The following HDAC4 variants were observed in gnomAD, a reference collection of about 807,000 sequenced individuals.
HDAC4 encodes histone deacetylase A.
Under a neutral mutation model 135.1 loss-of-function variants are expected in HDAC4, and 16 were observed. That is an observed-to-expected ratio of 0.12 (90% CI 0.08 to 0.18). HDAC4 has a LOEUF of 0.18. Ranked by LOEUF, HDAC4 falls within the 10% of genes least tolerant of loss-of-function variation. The pLI is 1.00. For missense variants in HDAC4, 1,143 were observed against 1,511.8 expected (o/e 0.76, Z 4.05); for synonymous variants, 685 against 653.4 (o/e 1.05, Z -0.74).
intron 5 of HDAC4, among the ~76,000 whole-genome samples, chr2:239,168,627 G>A (rs899174516): frequency 8.5e-5 from 13 of 152,182 alleles, no homozygotes; most frequent in Non-Finnish European, 1.2e-4. Flanking sequence ...AGATGCTGGC[G>A]GTGCTTCGTG....
At chr2:239,230,657 C>A (rs1193841859) in intron 3 of HDAC4, among the ~76,000 whole-genome samples, 1 of 152,204 alleles carries the variant, frequency 6.6e-6, no homozygotes, top group Non-Finnish European at 1.5e-5. Context: ...TTCACTGGAC[C>A]CTATCCAAAC....
At chr2:239,381,191 C>T (rs1194113936) in intron 1 of HDAC4, among the ~76,000 whole-genome samples, 1 of 152,226 alleles carries the variant, frequency 6.6e-6, no homozygotes, top group Non-Finnish European at 1.5e-5. Context: ...ACAATGAAAA[C>T]ACGCAGTGAG....
Position 239,143,558 on chromosome 2 carries a change from T to C in HDAC4, c.865+1025A>G, listed in dbSNP as rs758670183. ...CATGAAGATGTCAGATACTTTTTAATAGAAATCCACAAATATTCAGACCCA... is the reference window on the plus strand; with the variant it reads ...CATGAAGATGTCAGATACTTTTTAACAGAAATCCACAAATATTCAGACCCA... On this transcript the variant is annotated intron_variant, in intron 8 of 26. Coordinates refer to ENST00000543185, the MANE Select transcript of HDAC4 (RefSeq NM_001378414.1). Among the ~76,000 whole-genome samples the C allele has an allele frequency of 6.6e-5, 10 of 152,324 alleles. No homozygotes were observed. In the East Asian group the frequency reaches 1.5e-3, roughly 24 times the overall value.
intron 1 of HDAC4, among the ~76,000 whole-genome samples, chr2:239,379,237 G>A (rs1178697286): frequency 6.6e-6 from 1 of 152,166 alleles, no homozygotes; most frequent in Non-Finnish European, 1.5e-5. Context: ...GGGGTGGAGA[G>A]GAAGGAAGCC....
chr2:239,094,950 T>C, intron 17 of HDAC4, 60 bp downstream of exon 17: 1 of 1,612,772 alleles, frequency 6.2e-7, no homozygotes, highest in Non-Finnish European at 8.5e-7. Flanking sequence ...CTGCGATTTC[T>C]GTGACCACTG....
intron 2 of HDAC4, among the ~76,000 whole-genome samples, chr2:239,345,106 G>A (rs1692527066): frequency 6.6e-6 from 1 of 152,084 alleles, no homozygotes; most frequent in African/African-American, 2.4e-5. Context: ...GCCACTCTCA[G>A]CTCCCAGGCT....
At chr2:239,271,069 C>A (rs1434243779) in intron 2 of HDAC4, among the ~76,000 whole-genome samples, 2 of 152,148 alleles carry the variant, frequency 1.3e-5, no homozygotes, top group Non-Finnish European at 2.9e-5. Flanking sequence ...GAAGGAAATG[C>A]AAGATTCAGA....
chr2:239,392,308 T>A (rs1381498901), intron 1 of HDAC4, among the ~76,000 whole-genome samples: 1 of 152,250 alleles, frequency 6.6e-6, no homozygotes, highest in Non-Finnish European at 1.5e-5. Context: ...CTTTGATGCA[T>A]CCTTCTGACC....
chr2:239,278,759 G>A (rs941794614), intron 2 of HDAC4, among the ~76,000 whole-genome samples: 2 of 152,218 alleles, frequency 1.3e-5, no homozygotes, highest in Non-Finnish European at 2.9e-5. Context: ...TTCTAAGGTG[G>A]CTCTGGACCT....
At chr2:239,233,714 G>A (rs373549457) in intron 3 of HDAC4, among the ~76,000 whole-genome samples, 185 of 152,308 alleles carry the variant, frequency 1.2e-3, no homozygotes, top group African/African-American at 4.2e-3. Flanking sequence ...GCATTCACAC[G>A]AGGGAATGGT....
chr2:239,068,400 G>C lies in HDAC4; in HGVS notation c.2869+89C>G, dbSNP rs10207397. 2.1e-6 allele frequency: 2 copies of C among 959,334 alleles called. No homozygotes were observed. Among genetic ancestry groups the C allele is most frequent in the African/African-American group, 3.2e-5 (2 of 62,296 alleles). The allele number at this position is 959,334 out of a possible 1,614,324, so 59.4% of individuals were successfully genotyped here. On this transcript the variant is annotated intron_variant, in intron 23 of 26. Coordinates refer to ENST00000543185, the MANE Select transcript of HDAC4 (RefSeq NM_001378414.1). This position sits in a 1 kb window ranked among gnomAD's most constrained non-coding sequence, Gnocchi z 4.4. Reference sequence around the variant, plus strand: ...GTAAAAAGGTGCCCTTCCTTATCTCGTTATTAAAAAGGGGACCTGACACGC... The same window carrying C: ...GTAAAAAGGTGCCCTTCCTTATCTCCTTATTAAAAAGGGGACCTGACACGC...
chr2:239,153,118 G>A (rs1309615738), intron 7 of HDAC4, among the ~76,000 whole-genome samples: 2 of 152,186 alleles, frequency 1.3e-5, no homozygotes, highest in Non-Finnish European at 2.9e-5. Context: ...CTCCGAATAG[G>A]AGTCACTGCA....
intron 2 of HDAC4, among the ~76,000 whole-genome samples, chr2:239,311,798 G>A (rs567019022): frequency 3.3e-5 from 5 of 152,198 alleles, no homozygotes; most frequent in African/African-American, 7.2e-5. Flanking sequence ...GTGATGGGGC[G>A]GTGCTTCCTC....
intron 1 of HDAC4, among the ~76,000 whole-genome samples, chr2:239,371,755 G>A (rs1694638480): frequency 1.3e-5 from 2 of 152,218 alleles, no homozygotes; most frequent in Non-Finnish European, 2.9e-5. Flanking sequence ...CTCTGTCGGC[G>A]TGGCCCGGGC....
At chr2:239,190,179 G>A (rs528392581) in intron 3 of HDAC4, 102 bp from the exon 4 acceptor site, 56 of 1,434,358 alleles carry the variant, frequency 3.9e-5, no homozygotes, top group Non-Finnish European at 5.0e-5. Flanking sequence ...CGGGGCGGGG[G>A]GGGGGTTGTG....
chr2:239,294,042 AC>A (rs1178340042), intron 2 of HDAC4, among the ~76,000 whole-genome samples: 1 of 152,154 alleles, frequency 6.6e-6, no homozygotes, highest in Non-Finnish European at 1.5e-5. Flanking sequence ...CCACACAAAT[AC>A]CCGCCCATCG....
At chr2:239,118,259 C>T (rs777493603) in intron 12 of HDAC4, among the ~76,000 whole-genome samples, 9 of 152,154 alleles carry the variant, frequency 5.9e-5, no homozygotes, top group African/African-American at 9.7e-5. Flanking sequence ...CAGTAAAAGC[C>T]GAGTGAAGAA....
intron 1 of HDAC4, among the ~76,000 whole-genome samples, chr2:239,382,170 T>C (rs1199924227): frequency 2.2e-4 from 33 of 152,256 alleles, no homozygotes; most frequent in Admixed American, 2.2e-3. Context: ...TGCACCCACG[T>C]AACAGATTAA....
chr2:239,204,498 G>T (rs552721216), intron 3 of HDAC4, among the ~76,000 whole-genome samples: 1 of 152,224 alleles, frequency 6.6e-6, no homozygotes, highest in African/African-American at 2.4e-5. Context: ...AGGGAAATGG[G>T]CAGAGGGCTC....
Sources: allele counts gnomAD v4.1 joint callset (sites outside exome capture counted in the v4.1 genomes callset), GRCh38; gene constraint gnomAD v4.1.1; non-coding constraint Gnocchi (gnomAD v3.1); transcripts MANE v1.5; gene names NCBI Gene and HGNC (gene_info 2026-07-23, HGNC 2026-07-21).